CCDC125: variants seen among roughly 807,000 people sequenced by gnomAD.
CCDC125 encodes the protein coiled-coil domain-containing protein 125.
A neutral mutation model predicts 57.4 loss-of-function variants in CCDC125; 43 were observed. The ratio of observed to expected loss-of-function variants is 0.75; its 90% CI spans 0.59 to 0.97. CCDC125 has a LOEUF of 0.97. Ranked by LOEUF, CCDC125 falls within the 50% of genes least tolerant of loss-of-function variation. The probability of loss-of-function intolerance (pLI) is 0.00; values close to 1 mark genes in which losing one functional copy is unlikely to be tolerated. For missense variants in CCDC125, 563 were observed against 595.7 expected (o/e 0.95, Z 0.57); for synonymous variants, 187 against 195.2 (o/e 0.96, Z 0.35).
chr5:69,311,744 A>G (rs932425261), intron 3 of CCDC125, among the ~76,000 whole-genome samples: 30 of 149,966 alleles, frequency 2.0e-4, no homozygotes, highest in African/African-American at 6.4e-4. Context: ...TGAACCAGGA[A>G]GGTCTCTGAG....
At chr5:69,294,583 G>A (rs575903319) in intron 9 of CCDC125, among the ~76,000 whole-genome samples, 72 of 152,266 alleles carry the variant, frequency 4.7e-4, no homozygotes, top group African/African-American at 1.5e-3. Flanking sequence ...GTGAGCCACC[G>A]CACCCTGCCC....
the CCDC125 span, among the ~76,000 whole-genome samples, chr5:69,274,766 C>A: frequency 6.6e-6 from 1 of 152,106 alleles, no homozygotes; most frequent in Non-Finnish European, 1.5e-5. Flanking sequence ...CAGGTGCACA[C>A]CACCATGCCT....
chr5:69,313,717 C>T, intron 3 of CCDC125: 2 of 770,740 alleles, frequency 2.6e-6, no homozygotes, highest in Non-Finnish European at 2.4e-6. Context: ...ATCTCCTTGC[C>T]CTCCCCTTCA....
chr5:69,314,562 T>A (rs1052241583), intron 2 of CCDC125, among the ~76,000 whole-genome samples: 6 of 151,978 alleles, frequency 3.9e-5, no homozygotes, highest in Non-Finnish European at 7.4e-5. Flanking sequence ...AATAAAAAAA[T>A]TTTTTGAATA....
At chr5:69,285,505 A>T in intron 10 of CCDC125, 38 bp from the exon 11 acceptor site, 1 of 1,575,650 alleles carries the variant, frequency 6.3e-7, no homozygotes, top group Non-Finnish European at 8.6e-7. Context: ...AGACATTAAA[A>T]TATCCTCACT....
chr5:69,279,987 A>G (rs983920553), downstream of CCDC125, among the ~76,000 whole-genome samples: 1 of 152,254 alleles, frequency 6.6e-6, no homozygotes, highest in East Asian at 1.9e-4. Context: ...TACCATGTAT[A>G]AAACCATTGG....
chr5:69,277,075 CTT>C, downstream of CCDC125: 4 of 1,437,564 alleles, frequency 2.8e-6, no homozygotes, highest in Admixed American at 6.1e-5. Flanking sequence ...ATGTGAACAA[CTT>C]TTTTTTTTCT....
intron 6 of CCDC125, 46 bp downstream of exon 6, chr5:69,306,770 TA>T: frequency 1.5e-6 from 2 of 1,348,220 alleles, no homozygotes; most frequent in Non-Finnish European, 1.9e-6. Flanking sequence ...TTGAATTACA[TA>T]GATTTTAAAG....
chr5:69,321,260 A>T (rs1380771089), intron 1 of CCDC125, among the ~76,000 whole-genome samples: 1 of 152,214 alleles, frequency 6.6e-6, no homozygotes, highest in African/African-American at 2.4e-5. Context: ...TTGTATTCAT[A>T]AATCATAACA....
intron 10 of CCDC125, among the ~76,000 whole-genome samples, chr5:69,286,225 T>TATATATAA (rs1554071415): frequency 1.6e-4 from 18 of 111,396 alleles, no homozygotes; most frequent in African/African-American, 5.9e-4. Context: ...TATATATATA[T>TATATATAA]ATATATATAA....
intron 8 of CCDC125, among the ~76,000 whole-genome samples, chr5:69,298,021 GTT>G (rs200950089): frequency 1.4e-5 from 2 of 143,932 alleles, no homozygotes; most frequent in African/African-American, 5.1e-5. Context: ...TAAAAATAAA[GTT>G]TTTTTTTTTT....
intron 2 of CCDC125, among the ~76,000 whole-genome samples, chr5:69,314,426 C>G (rs1288388916): frequency 1.9e-4 from 28 of 150,578 alleles, no homozygotes; most frequent in Admixed American, 1.9e-3. Flanking sequence ...GATCGTGCCA[C>G]TGTATTCCAG....
At chr5:69,329,360 G>A (rs1489502208) in intron 1 of CCDC125, among the ~76,000 whole-genome samples, 1 of 151,290 alleles carries the variant, frequency 6.6e-6, no homozygotes, top group Non-Finnish European at 1.5e-5. Flanking sequence ...GCTAATTTTT[G>A]TATTTTTTGT....
chr5:69,308,527 T>G (rs1365665571), intron 4 of CCDC125: 1 of 188,208 alleles, frequency 5.3e-6, no homozygotes, highest in East Asian at 1.5e-4. Flanking sequence ...TGCCATGTTA[T>G]AAGTGCCTTT....
downstream of CCDC125, among the ~76,000 whole-genome samples, chr5:69,276,068 C>T (rs367676993): frequency 2.2e-4 from 34 of 152,154 alleles, no homozygotes; most frequent in African/African-American, 7.5e-4. Flanking sequence ...CTTGCTCTGT[C>T]GCCCAGGCTG....
intron 2 of CCDC125, among the ~76,000 whole-genome samples, chr5:69,315,450 C>CAAAAAAAAAAAAA (rs1359288696): frequency 2.1e-4 from 1 of 4,866 alleles, no homozygotes; most frequent in Non-Finnish European, 5.9e-4. Context: ...AAAAAAAAAA[C>CAAAAAAAAAAAAA]AAAAAAAAAA....
downstream of CCDC125, among the ~76,000 whole-genome samples, chr5:69,279,407 A>G (rs62373165): frequency 0.016 from 2,449 of 152,264 alleles, 43 homozygotes; most frequent in South Asian, 0.035. Context: ...TGTGTTAGCC[A>G]GGATGGTCTC....
intron 10 of CCDC125, among the ~76,000 whole-genome samples, 199 bp from the exon 11 acceptor site, chr5:69,285,666 C>T (rs180947198): frequency 5.3e-5 from 8 of 152,316 alleles, no homozygotes; most frequent in Admixed American, 2.6e-4. Context: ...TGCGGCACAG[C>T]CACCCCTCTG....
At chr5:69,322,191 C>T (rs1284355588) in intron 1 of CCDC125, among the ~76,000 whole-genome samples, 5 of 151,862 alleles carry the variant, frequency 3.3e-5, no homozygotes, top group African/African-American at 1.2e-4. Context: ...AACCATGTTG[C>T]CCAGGCTGGT....
Sources: allele counts gnomAD v4.1 joint callset (sites outside exome capture counted in the v4.1 genomes callset), GRCh38; gene constraint gnomAD v4.1.1; transcripts MANE v1.5; gene names NCBI Gene and HGNC (gene_info 2026-07-23, HGNC 2026-07-21).